SGCZ: variants seen among roughly 807,000 people sequenced by gnomAD.
The protein encoded by SGCZ is sarcoglycan zeta, also known as zeta-sarcoglycan.
A neutral mutation model predicts 41.3 loss-of-function variants in SGCZ; 40 were observed. That is an observed-to-expected ratio of 0.97 (90% confidence interval 0.75 to 1.26). SGCZ has a LOEUF of 1.26. Among genes scored for constraint, SGCZ ranks in the 50% most tolerant of loss-of-function variants. The pLI is 0.00. For missense variants in SGCZ, 552 were observed against 369.8 expected, an observed-to-expected ratio of 1.49 and a Z score of -4.04; for synonymous variants, 206 against 137.5, an observed-to-expected ratio of 1.50 and a Z score of -3.49.
intron 1 of SGCZ, among the ~76,000 whole-genome samples, chr8:15,032,619 A>G (rs775694248): frequency 6.6e-6 from 1 of 152,128 alleles, no homozygotes; most frequent in Non-Finnish European, 1.5e-5. Flanking sequence ...GGCTGACCCC[A>G]GAAACTCCAG....
chr8:14,149,197 C>G (rs1274194289), intron 5 of SGCZ, among the ~76,000 whole-genome samples: 1 of 151,900 alleles, frequency 6.6e-6, no homozygotes, highest in African/African-American at 2.4e-5. Context: ...GCCATCAGAC[C>G]AGAGAAAGAT....
At chr8:14,590,688 T>G (rs1180405673) in intron 1 of SGCZ, among the ~76,000 whole-genome samples, 1 of 149,066 alleles carries the variant, frequency 6.7e-6, no homozygotes, top group African/African-American at 2.4e-5. Flanking sequence ...TATTTCCTAG[T>G]ACATATATAT....
chr8:15,042,237 G>T (rs572549080), intron 1 of SGCZ, among the ~76,000 whole-genome samples: 1 of 152,036 alleles, frequency 6.6e-6, no homozygotes, highest in Non-Finnish European at 1.5e-5. Context: ...TCCTGTGATC[G>T]AACCCACCAA....
intron 4 of SGCZ, among the ~76,000 whole-genome samples, chr8:14,225,507 T>A (rs184906396): frequency 6.6e-6 from 1 of 152,168 alleles, no homozygotes; most frequent in Non-Finnish European, 1.5e-5. Flanking sequence ...GAATTAGAAA[T>A]CAACATGATA....
chr8:14,837,496 CCCAACTCCCGTTGCATCAGGTGTGT>C (rs1459301681), intron 1 of SGCZ, among the ~76,000 whole-genome samples: 2 of 152,128 alleles, frequency 1.3e-5, no homozygotes, highest in Non-Finnish European at 2.9e-5. Flanking sequence ...GACTACATTT[CCCAACTCCCGTTGCATCAGGTGTGT>C]CCATGTGGCA....
chr8:14,320,466 T>C (rs1226611905), intron 3 of SGCZ, among the ~76,000 whole-genome samples: 1 of 150,882 alleles, frequency 6.6e-6, no homozygotes, highest in African/African-American at 2.4e-5. Context: ...ACTATTATTA[T>C]TATATTATTA....
intron 1 of SGCZ, among the ~76,000 whole-genome samples, chr8:14,627,476 C>G (rs527849836): frequency 6.6e-6 from 1 of 152,222 alleles, no homozygotes; most frequent in South Asian, 2.1e-4. Context: ...GGATTTTCCA[C>G]TGTCCTATCC....
At position 14,129,662 on chromosome 8, in the gene SGCZ, A is replaced by G. The variant is rs138414558; in HGVS notation, c.548-21427T>C. ...ACCTTGAAGAAGAGAAGAGAAAACT[A>G]AACACAAATCAGTGTTTCTATACGT... is the stretch of plus-strand genomic sequence containing the variant. On this transcript the variant is annotated intron_variant, in intron 5 of 7. Coordinates refer to ENST00000382080, the MANE Select transcript of SGCZ (RefSeq NM_139167.4). Among the ~76,000 whole-genome samples, 82 of 152,206 alleles carry G rather than the reference A, an allele frequency of 5.4e-4. 1 individual carries two copies. Among genetic ancestry groups the G allele is most frequent in the African/African-American group, 1.9e-3 (81 of 41,574 alleles).
At chr8:14,930,732 A>T (rs7841147) in intron 1 of SGCZ, among the ~76,000 whole-genome samples, 1 of 151,756 alleles carries the variant, frequency 6.6e-6, no homozygotes, top group South Asian at 2.1e-4. Context: ...AGACTAACAC[A>T]GGAACAGAAA....
intron 1 of SGCZ, among the ~76,000 whole-genome samples, chr8:14,664,111 G>C (rs567515859): frequency 6.6e-6 from 1 of 152,134 alleles, no homozygotes; most frequent in Non-Finnish European, 1.5e-5. Context: ...AGGACTAAAT[G>C]GTTCCAAGTT....
intron 1 of SGCZ, among the ~76,000 whole-genome samples, chr8:14,839,673 C>T (rs1481556695): frequency 6.6e-6 from 1 of 152,004 alleles, no homozygotes; most frequent in Non-Finnish European, 1.5e-5. Flanking sequence ...TTTTTAAGGA[C>T]TTTTTTGTTA....
intron 2 of SGCZ, among the ~76,000 whole-genome samples, chr8:14,420,410 C>G (rs1799607883): frequency 6.6e-6 from 1 of 152,038 alleles, no homozygotes; most frequent in African/African-American, 2.4e-5. Flanking sequence ...CTCTTATAAT[C>G]TTAGCTTTTG....
At chr8:14,792,704 C>T (rs758410645) in intron 1 of SGCZ, among the ~76,000 whole-genome samples, 43 of 152,158 alleles carry the variant, frequency 2.8e-4, no homozygotes, top group South Asian at 1.0e-3. Context: ...TGTCCTAATG[C>T]ATCTTTCAAC....
intron 1 of SGCZ, among the ~76,000 whole-genome samples, chr8:15,147,538 A>T (rs1799068778): frequency 1.3e-5 from 2 of 152,208 alleles, no homozygotes; most frequent in South Asian, 4.1e-4. Context: ...TCGGCCCCAC[A>T]AAGTGCTGGG....
intron 1 of SGCZ, among the ~76,000 whole-genome samples, chr8:14,565,442 G>A (rs1472104645): frequency 6.6e-6 from 1 of 151,976 alleles, no homozygotes; most frequent in African/African-American, 2.4e-5. Context: ...TTTTGAAGGA[G>A]CCCAAGGTAG....
chr8:15,113,311 A>G (rs1179341140), intron 1 of SGCZ, among the ~76,000 whole-genome samples: 1 of 152,132 alleles, frequency 6.6e-6, no homozygotes, highest in African/African-American at 2.4e-5. Flanking sequence ...CCCTAATTTT[A>G]CTTCATCTCA....
Position 14,196,564 on chromosome 8 carries a change from G to T in SGCZ, c.425-31862C>A, listed in dbSNP as rs147458696. On this transcript the variant is annotated intron_variant, in intron 4 of 7. Coordinates refer to ENST00000382080, the MANE Select transcript of SGCZ (RefSeq NM_139167.4). ...CAATGCAAGAGAAATAAAAACCTAC[G>T]TATATACACTAATTTGTACATTGGT... Among the ~76,000 whole-genome samples, 331 of 152,220 alleles carry T rather than the reference G, an allele frequency of 2.2e-3. 2 individuals are homozygous for T. The highest frequency in any genetic ancestry group is 5.4e-3 in the South Asian group (26 of 4,818).
intron 1 of SGCZ, among the ~76,000 whole-genome samples, chr8:14,985,734 A>G (rs547912816): frequency 6.6e-6 from 1 of 152,344 alleles, no homozygotes; most frequent in East Asian, 1.9e-4. Context: ...AACACAGGCT[A>G]TATCTGCAAG....
At chr8:14,283,146 G>C (rs1275849874) in intron 3 of SGCZ, among the ~76,000 whole-genome samples, 3 of 151,510 alleles carry the variant, frequency 2.0e-5, no homozygotes, top group Non-Finnish European at 4.4e-5. Context: ...ACTGTGCCCA[G>C]CCTCAAATAC....
Sources: allele counts gnomAD v4.1 joint callset (sites outside exome capture counted in the v4.1 genomes callset), GRCh38; gene constraint gnomAD v4.1.1; transcripts MANE v1.5; gene names NCBI Gene and HGNC (gene_info 2026-07-23, HGNC 2026-07-21).